Variants in CCSER1 observed in about 807,000 individuals in gnomAD.
The protein encoded by CCSER1 is coiled-coil serine rich protein 1.
A neutral mutation model predicts 82.0 loss-of-function variants in CCSER1; 41 were observed. The observed-to-expected ratio is 0.50, with a 90% CI of 0.39 to 0.65. CCSER1 has a LOEUF of 0.65. CCSER1 is among the 30% of genes least tolerant of loss of function. The pLI, the probability that CCSER1 is intolerant of heterozygous loss-of-function variation, is 0.00. For missense variants in CCSER1, 1,119 were observed against 1,064.2 expected (o/e 1.05, Z -0.72); for synonymous variants, 414 against 383.9 (o/e 1.08, Z -0.92).
chr4:91,507,798 T>C (rs1759582912), intron 10 of CCSER1, among the ~76,000 whole-genome samples: 1 of 151,950 alleles, frequency 6.6e-6, no homozygotes, highest in Non-Finnish European at 1.5e-5. Context: ...ATGCTTTTGG[T>C]GTCTTATCTA....
chr4:91,154,526 T>A (rs114188325), intron 10 of CCSER1, among the ~76,000 whole-genome samples: 5,092 of 152,074 alleles, frequency 0.033, 198 homozygotes, highest in South Asian at 0.085. Flanking sequence ...TTGCACCCAC[T>A]GTCCTGCACC....
At chr4:90,293,358 T>G (rs550759441) in intron 1 of CCSER1, among the ~76,000 whole-genome samples, 115 of 151,772 alleles carry the variant, frequency 7.6e-4, no homozygotes, top group Middle Eastern at 6.8e-3. Context: ...TCAAGTTGAA[T>G]CGAGTTTTTC....
At chr4:90,991,496 C>A (rs1386854554) in intron 9 of CCSER1, among the ~76,000 whole-genome samples, 1 of 151,904 alleles carries the variant, frequency 6.6e-6, no homozygotes, top group Non-Finnish European at 1.5e-5. Flanking sequence ...CTTGCAGCAC[C>A]ATGATTCCAA....
chr4:91,533,641 G>T (rs189361260), intron 10 of CCSER1, among the ~76,000 whole-genome samples: 1 of 152,116 alleles, frequency 6.6e-6, no homozygotes, highest in Admixed American at 6.6e-5. Context: ...AGTGACTTTA[G>T]AATAAATTGC....
chr4:91,296,629 G>C (rs1188465954), intron 10 of CCSER1, among the ~76,000 whole-genome samples: 1 of 149,130 alleles, frequency 6.7e-6, no homozygotes, highest in Non-Finnish European at 1.5e-5. Flanking sequence ...ATATAGTTGT[G>C]TGTATATATA....
chr4:91,462,619 C>T (rs192189716), intron 10 of CCSER1, among the ~76,000 whole-genome samples: 12 of 152,242 alleles, frequency 7.9e-5, no homozygotes, highest in East Asian at 3.9e-4. Context: ...CCAAGGGAAG[C>T]GGTGCCAGAC....
At chr4:90,143,957 T>C (rs1419213397) in intron 1 of CCSER1, among the ~76,000 whole-genome samples, 1 of 152,168 alleles carries the variant, frequency 6.6e-6, no homozygotes, top group African/African-American at 2.4e-5. Flanking sequence ...CCCAAAGTGT[T>C]GGGATTACAG....
chr4:91,282,702 T>G (rs1242503479), intron 10 of CCSER1, among the ~76,000 whole-genome samples: 2 of 152,306 alleles, frequency 1.3e-5, no homozygotes, highest in South Asian at 2.1e-4. Context: ...CTCTTTAGTA[T>G]GTCTTTATAG....
chr4:90,399,955 G>T (rs1578276902), intron 3 of CCSER1, 81 bp from the exon 4 acceptor site: 1 of 663,312 alleles, frequency 1.5e-6, no homozygotes, highest in Non-Finnish European at 2.6e-6. Flanking sequence ...ATTCATTTTT[G>T]CTTCACGGCT....
intron 10 of CCSER1, among the ~76,000 whole-genome samples, chr4:91,450,709 G>A (rs1164909868): frequency 1.3e-5 from 2 of 152,000 alleles, no homozygotes; most frequent in African/African-American, 2.4e-5. Context: ...AGTGAGATGA[G>A]AGAATTGCAC....
chr4:90,766,446 ATATAT>A (rs537947640), intron 7 of CCSER1, among the ~76,000 whole-genome samples: 70 of 152,090 alleles, frequency 4.6e-4, no homozygotes, highest in Non-Finnish European at 9.6e-4. Flanking sequence ...TTTCATTTTA[ATATAT>A]TATTTATATT....
At chr4:91,477,046 A>G (rs1188836170) in intron 10 of CCSER1, among the ~76,000 whole-genome samples, 2 of 151,732 alleles carry the variant, frequency 1.3e-5, no homozygotes, top group Non-Finnish European at 3.0e-5. Flanking sequence ...AACACTAACA[A>G]CAAAAGCAAA....
intron 10 of CCSER1, among the ~76,000 whole-genome samples, chr4:91,237,079 G>T (rs1739065404): frequency 6.6e-6 from 1 of 151,890 alleles, no homozygotes; most frequent in African/African-American, 2.4e-5. Flanking sequence ...TAAATTCAAG[G>T]TTTTTACTTT....
At chr4:91,447,639 T>G (rs1755642679) in intron 10 of CCSER1, among the ~76,000 whole-genome samples, 1 of 152,196 alleles carries the variant, frequency 6.6e-6, no homozygotes, top group Non-Finnish European at 1.5e-5. Context: ...TTTTACTTAA[T>G]GATGATACTG....
chr4:91,570,620 G>A (rs1018436025), intron 10 of CCSER1, among the ~76,000 whole-genome samples: 3 of 152,168 alleles, frequency 2.0e-5, no homozygotes, highest in African/African-American at 4.8e-5. Flanking sequence ...TTTAGCCAAG[G>A]CTGAAGCTGA....
At chr4:91,293,144 T>A (rs1161404690) in intron 10 of CCSER1, among the ~76,000 whole-genome samples, 1 of 151,884 alleles carries the variant, frequency 6.6e-6, no homozygotes, top group Non-Finnish European at 1.5e-5. Context: ...TGCACTGAGA[T>A]CAGATTTCAT....
intron 4 of CCSER1, among the ~76,000 whole-genome samples, chr4:90,456,132 C>A (rs2153580837): frequency 6.6e-6 from 1 of 152,238 alleles, no homozygotes; most frequent in South Asian, 2.1e-4. Flanking sequence ...CCTGGCCTAA[C>A]AAGATGCTTC....
intron 9 of CCSER1, among the ~76,000 whole-genome samples, chr4:91,034,159 C>A (rs1741233316): frequency 6.6e-6 from 1 of 152,160 alleles, no homozygotes; most frequent in Admixed American, 6.6e-5. Context: ...GAAGCAAGAG[C>A]AGAGGCTGTA....
intron 5 of CCSER1, among the ~76,000 whole-genome samples, chr4:90,564,308 C>T (rs1157512701): frequency 2.0e-5 from 3 of 152,034 alleles, no homozygotes; most frequent in Non-Finnish European, 4.4e-5. Flanking sequence ...CTCCGCCTTG[C>T]CCTCCTAAAG....
Sources: gnomAD v4.1 joint callset for allele counts (sites outside exome capture counted in the v4.1 genomes callset) on GRCh38, gnomAD v4.1.1 for gene constraint, MANE v1.5 for transcripts, NCBI Gene and HGNC (gene_info 2026-07-23, HGNC 2026-07-21) for gene names.